Variants in CFAP263 observed in about 807,000 individuals in gnomAD.
The protein encoded by CFAP263 is cilia- and flagella-associated protein 263.
chr16:58,266,994 C>T, the CFAP263 span, among the ~76,000 whole-genome samples: 1 of 152,290 alleles, frequency 6.6e-6, no homozygotes, highest in East Asian at 1.9e-4. Context: ...AAGGTCAGTT[C>T]TCTCACCTAT....
At chr16:58,276,238 G>C in the CFAP263 span, among the ~76,000 whole-genome samples, 1 of 152,244 alleles carries the variant, frequency 6.6e-6, no homozygotes, top group East Asian at 1.9e-4. Flanking sequence ...GCTATGATGG[G>C]ATATTATTTT....
the CFAP263 span, chr16:58,259,959 C>T: frequency 6.7e-7 from 1 of 1,494,204 alleles, no homozygotes; most frequent in Non-Finnish European, 9.2e-7. Flanking sequence ...TTCTCTCTCT[C>T]TCTGTTTCTT....
the CFAP263 span, among the ~76,000 whole-genome samples, chr16:58,258,933 A>G: frequency 6.6e-6 from 1 of 151,912 alleles, no homozygotes; most frequent in African/African-American, 2.4e-5. Context: ...AGCCAAGATC[A>G]TGCCACTGCA....
the CFAP263 span, among the ~76,000 whole-genome samples, chr16:58,251,281 C>T: frequency 6.6e-6 from 1 of 152,244 alleles, no homozygotes; most frequent in Non-Finnish European, 1.5e-5. Context: ...GATTCAAACT[C>T]AGGTGTGACT....
chr16:58,262,515 C>T, the CFAP263 span: 5 of 1,608,096 alleles, frequency 3.1e-6, no homozygotes, highest in African/African-American at 1.3e-5. Flanking sequence ...TCTGGAAACA[C>T]TCTGCAGGTT....
At chr16:58,255,522 C>T in the CFAP263 span, among the ~76,000 whole-genome samples, 1 of 152,120 alleles carries the variant, frequency 6.6e-6, no homozygotes, top group Non-Finnish European at 1.5e-5. Context: ...CTAATATTAA[C>T]CATCACAGTC....
chr16:58,255,684 G>A, the CFAP263 span, among the ~76,000 whole-genome samples: 807 of 151,026 alleles, frequency 5.3e-3, 11 homozygotes, highest in East Asian at 0.056. Flanking sequence ...TCAGCCTCCC[G>A]AGTAGCTGGG....
At chr16:58,270,489 T>C in the CFAP263 span, among the ~76,000 whole-genome samples, 1 of 152,084 alleles carries the variant, frequency 6.6e-6, no homozygotes, top group South Asian at 2.1e-4. Flanking sequence ...AAAAAAAAAC[T>C]TAAGGTGACC....
At chr16:58,262,539 A>G in the CFAP263 span, 2 of 1,598,088 alleles carry the variant, frequency 1.3e-6, no homozygotes, top group Non-Finnish European at 1.7e-6. Flanking sequence ...AATGCCTACA[A>G]AGTAAGGCCA....
At chr16:58,262,545 G>A in the CFAP263 span, 3 of 1,591,756 alleles carry the variant, frequency 1.9e-6, no homozygotes, top group East Asian at 4.5e-5. Flanking sequence ...TACAAAGTAA[G>A]GCCATCCCTG....
the CFAP263 span, chr16:58,279,853 T>C: frequency 8.5e-7 from 1 of 1,171,774 alleles, no homozygotes; most frequent in Non-Finnish European, 1.2e-6. Flanking sequence ...CACGGGCTCC[T>C]CTCACTGTTC....
the CFAP263 span, chr16:58,279,657 A>AT: frequency 6.0e-6 from 9 of 1,499,162 alleles, no homozygotes; most frequent in East Asian, 4.6e-5. Flanking sequence ...CTCCTTTATC[A>AT]TTTTTTTTCT....
chr16:58,268,553 C>A, the CFAP263 span, among the ~76,000 whole-genome samples: 5 of 152,112 alleles, frequency 3.3e-5, no homozygotes, highest in African/African-American at 9.7e-5. Context: ...TTATTAGTGT[C>A]ATTGTCTTGT....
the CFAP263 span, among the ~76,000 whole-genome samples, chr16:58,272,056 C>T: frequency 7.9e-5 from 12 of 151,386 alleles, no homozygotes; most frequent in Non-Finnish European, 1.6e-4. Context: ...ACTCTGTCGC[C>T]CAGGCTGGAG....
the CFAP263 span, among the ~76,000 whole-genome samples, chr16:58,268,413 G>GCA: frequency 6.6e-6 from 1 of 152,196 alleles, no homozygotes; most frequent in Non-Finnish European, 1.5e-5. Flanking sequence ...CCAATTTCTG[G>GCA]TCTTGAACAA....
the CFAP263 span, chr16:58,258,354 G>C: frequency 6.2e-7 from 1 of 1,612,726 alleles, no homozygotes; most frequent in South Asian, 1.1e-5. Context: ...CTCTCTTTGT[G>C]CTGACTCCCC....
chr16:58,253,916 A>T, the CFAP263 span: 1 of 1,489,170 alleles, frequency 6.7e-7, no homozygotes, highest in South Asian at 1.2e-5. Context: ...CTAGCAGGTC[A>T]GAGGATCATT....
At chr16:58,257,010 A>ATTTTT in the CFAP263 span, among the ~76,000 whole-genome samples, 1 of 50,196 alleles carries the variant, frequency 2.0e-5, no homozygotes, top group African/African-American at 9.4e-5. Flanking sequence ...GCATATATGA[A>ATTTTT]TTTCTTTTTT....
At chr16:58,250,965 T>C in the CFAP263 span, among the ~76,000 whole-genome samples, 3 of 152,174 alleles carry the variant, frequency 2.0e-5, no homozygotes, top group African/African-American at 7.2e-5. Context: ...TATTCTACTA[T>C]AGCAAGTAAA....
Sources: allele counts gnomAD v4.1 joint callset (sites outside exome capture counted in the v4.1 genomes callset), GRCh38; gene constraint gnomAD v4.1.1; transcripts MANE v1.5; gene names NCBI Gene and HGNC (gene_info 2026-07-23, HGNC 2026-07-21).